The following EPG5 variants were observed in gnomAD, a reference collection of about 807,000 sequenced individuals.
EPG5 encodes ectopic P-granules 5 autophagy tethering factor.
EPG5 carries 159 observed loss-of-function variants against 302.7 expected under a neutral mutation model. That is an observed-to-expected ratio of 0.53 (90% confidence interval 0.46 to 0.60). The LOEUF is 0.60. Ranked by LOEUF, EPG5 falls within the 20% of genes least tolerant of loss-of-function variation. EPG5 has a pLI of 0.00. For missense variants in EPG5, 2,896 were observed against 3,092.4 expected, an observed-to-expected ratio of 0.94 and a Z score of 1.51; for synonymous variants, 1,158 against 1,136.8, an observed-to-expected ratio of 1.02 and a Z score of -0.37.
intron 25 of EPG5, among the ~76,000 whole-genome samples, chr18:45,903,731 T>A (rs1277338836): frequency 6.6e-6 from 1 of 152,216 alleles, no homozygotes; most frequent in African/African-American, 2.4e-5. Context: ...TGGTAAGGGT[T>A]CTAGGTACAA....
the EPG5 span, among the ~76,000 whole-genome samples, chr18:45,804,929 C>G: frequency 2.4e-4 from 37 of 152,010 alleles, no homozygotes; most frequent in East Asian, 5.4e-3. Context: ...AATCATAACA[C>G]AAAGGAATGC....
Position 45,890,033 on chromosome 18 carries a change from A to G in EPG5, c.4810-93T>C, listed in dbSNP as rs1599502440. Reference sequence around the variant, plus strand: ...CTGAAATAAAATTATTGTCTTATAAAAATACCAAAATTTGTATCTCTTTAT... The same window carrying G: ...CTGAAATAAAATTATTGTCTTATAAGAATACCAAAATTTGTATCTCTTTAT... On this transcript the variant is annotated intron_variant, in intron 27 of 43. Coordinates refer to ENST00000282041, the MANE Select transcript of EPG5 (RefSeq NM_020964.3). 6 of 1,079,868 alleles carry G rather than the reference A, an allele frequency of 5.6e-6. No homozygotes were observed. The South Asian group carries it at 9.1e-5, about 16-fold the overall frequency. 66.9% of individuals were successfully genotyped at this position (1,079,868 alleles called of 1,614,324 possible).
chr18:45,946,584 A>G, intron 7 of EPG5, 79 bp downstream of exon 7: 1 of 1,068,686 alleles, frequency 9.4e-7, no homozygotes, highest in Non-Finnish European at 1.4e-6. Flanking sequence ...ATACTATGTG[A>G]AAAGTGCTTA....
intron 39 of EPG5, among the ~76,000 whole-genome samples, chr18:45,861,452 T>C (rs2048632061): frequency 6.6e-6 from 1 of 152,192 alleles, no homozygotes; most frequent in Non-Finnish European, 1.5e-5. Context: ...GGCTCTCAAA[T>C]CTTTTCCTAA....
At chr18:45,839,528 G>A in the EPG5 span, among the ~76,000 whole-genome samples, 57 of 152,268 alleles carry the variant, frequency 3.7e-4, no homozygotes, top group African/African-American at 1.1e-3. Flanking sequence ...CCTGCAGTGC[G>A]TGCTGAGCGG....
intron 3 of EPG5, 40 bp downstream of exon 3, chr18:45,952,360 A>T (rs759136729): frequency 5.6e-5 from 89 of 1,592,770 alleles, no homozygotes; most frequent in Non-Finnish European, 6.8e-5. Context: ...ATTTTTTTTT[A>T]CTTCAAAACA....
chr18:45,894,918 G>C (rs1290115315), intron 27 of EPG5, among the ~76,000 whole-genome samples: 1 of 152,154 alleles, frequency 6.6e-6, no homozygotes. Context: ...AATGTGATCA[G>C]ATCTATGTTT....
chr18:45,925,830 G>A lies in EPG5; in HGVS notation c.2626C>T (p.Arg876Trp), dbSNP rs755283620. ...QPSASEIAVI[R>W]DWLLNYNLTV... ...AGGTTGTAATTCAATAACCAATCCCGAATCACCGCTATCTCAGATGCAGAA... is the reference window on the plus strand; with the variant it reads ...AGGTTGTAATTCAATAACCAATCCCAAATCACCGCTATCTCAGATGCAGAA... The change falls in exon 14 of 44, where the codon CGG (arginine) becomes TGG (tryptophan). Residue 876 changes from arginine to tryptophan, a missense_variant. By Grantham distance (101) the Arg-to-Trp change is moderately radical. Coordinates refer to ENST00000282041, the MANE Select transcript of EPG5 (RefSeq NM_020964.3). The A allele has an allele frequency of 1.3e-5, 21 of 1,583,742 alleles. No individual in the cohort carries two copies. The highest frequency in any genetic ancestry group is 8.2e-5 in the South Asian group (7 of 85,352).
chr18:45,900,404 CAAAA>C (rs375366452), intron 26 of EPG5, among the ~76,000 whole-genome samples: 1 of 111,974 alleles, frequency 8.9e-6, no homozygotes, highest in Admixed American at 9.5e-5. Context: ...GACTCTGTCT[CAAAA>C]AAAAAAAAAA....
the EPG5 span, among the ~76,000 whole-genome samples, chr18:45,820,667 A>C: frequency 6.6e-6 from 1 of 152,110 alleles, no homozygotes; most frequent in Non-Finnish European, 1.5e-5. Flanking sequence ...ATCTTCATCA[A>C]ATCAAACCTG....
chr18:45,865,403 T>C (rs2048723026), intron 39 of EPG5, among the ~76,000 whole-genome samples: 1 of 152,160 alleles, frequency 6.6e-6, no homozygotes, highest in African/African-American at 2.4e-5. Context: ...ATTGTCCAGC[T>C]TAAAGGTCAG....
At chr18:45,888,104 T>G (rs1568124478) in intron 28 of EPG5, among the ~76,000 whole-genome samples, 197 bp from the exon 29 acceptor site, 1 of 152,002 alleles carries the variant, frequency 6.6e-6, no homozygotes, top group Admixed American at 6.6e-5. Flanking sequence ...TTTCTTTTTT[T>G]TTTTCTTTTT....
At chr18:45,811,910 T>C in the EPG5 span, among the ~76,000 whole-genome samples, 1 of 152,152 alleles carries the variant, frequency 6.6e-6, no homozygotes, top group African/African-American at 2.4e-5. Flanking sequence ...TTGGAAGTTC[T>C]GGCCAGGGCA....
intron 38 of EPG5, among the ~76,000 whole-genome samples, chr18:45,866,185 T>C (rs1273223967): frequency 6.6e-6 from 1 of 150,882 alleles, no homozygotes; most frequent in Admixed American, 6.6e-5. Flanking sequence ...AGTGGTGCGA[T>C]CTCGGCTCAC....
rs750845206 is a variant in EPG5 at position 45,956,646 on chromosome 18, G to A, written c.64-1308C>T. 1.5e-4 allele frequency among the ~76,000 whole-genome samples: 23 copies of A among 151,992 alleles called. No individual in the cohort carries two copies. In the Middle Eastern group the frequency reaches 0.01, roughly 67 times the overall value. On this transcript the variant is annotated intron_variant, in intron 1 of 43. Transcript: ENST00000282041. ...TTTTTAGTAGAGACGGGGTTTCACCGTGTTAGCCAAACTCCTGACCTCGTG... is the reference window on the plus strand; with the variant it reads ...TTTTTAGTAGAGACGGGGTTTCACCATGTTAGCCAAACTCCTGACCTCGTG...
chr18:45,948,446 T>A (rs953716781), intron 6 of EPG5, 57 bp downstream of exon 6: 5 of 1,385,508 alleles, frequency 3.6e-6, no homozygotes, highest in African/African-American at 1.4e-5. Flanking sequence ...CAGGAGCCAA[T>A]CCTTTAGAAG....
chr18:45,879,286 T>C, intron 32 of EPG5, 72 bp from the exon 33 acceptor site: 1 of 1,079,976 alleles, frequency 9.3e-7, no homozygotes, highest in Non-Finnish European at 1.4e-6. Flanking sequence ...TACACTGTGA[T>C]GGGGGTGTAT....
intron 39 of EPG5, among the ~76,000 whole-genome samples, chr18:45,863,811 G>A (rs2048684604): frequency 6.6e-6 from 1 of 152,204 alleles, no homozygotes; most frequent in African/African-American, 2.4e-5. Flanking sequence ...CTTCCTGGAT[G>A]TAAAGGGTTT....
chr18:45,838,938 C>A, the EPG5 span: 6 of 1,604,890 alleles, frequency 3.7e-6, no homozygotes, highest in African/African-American at 1.3e-5. Flanking sequence ...CGTGTACGGC[C>A]GCCAACAGCC....
Sources: allele counts gnomAD v4.1 joint callset (sites outside exome capture counted in the v4.1 genomes callset), GRCh38; gene constraint gnomAD v4.1.1; transcripts MANE v1.5; gene names NCBI Gene and HGNC (gene_info 2026-07-23, HGNC 2026-07-21).